PLSCR2: variants seen among roughly 807,000 people sequenced by gnomAD.
PLSCR2 encodes PL scramblase 2.
PLSCR2 carries 18 observed loss-of-function variants against 25.3 expected under a neutral mutation model. The ratio of observed to expected loss-of-function variants is 0.71; its 90% CI spans 0.49 to 1.06. The LOEUF is 1.06. PLSCR2 is among the 50% of genes least tolerant of loss of function. The pLI, the probability that PLSCR2 is intolerant of heterozygous loss-of-function variation, is 0.00. For synonymous variants in PLSCR2, 88 were observed against 87.3 expected, an observed-to-expected ratio of 1.01 and a Z score of -0.04; for missense variants, 243 against 269.5, an observed-to-expected ratio of 0.90 and a Z score of 0.69.
intron 2 of PLSCR2, among the ~76,000 whole-genome samples, chr3:146,404,808 GC>G (rs375591223): frequency 0.016 from 1,449 of 89,860 alleles, 24 homozygotes; most frequent in South Asian, 0.041. Context: ...GAAGAAATAG[GC>G]AAAAAAAAAA....
chr3:146,447,630 C>A (rs4318525), intron 6 of PLSCR2, among the ~76,000 whole-genome samples: 14,688 of 152,080 alleles, frequency 0.097, 1,015 homozygotes, highest in African/African-American at 0.19. Context: ...TCTACTGGAG[C>A]TGCAAGCTGT....
rs1376138204 is a variant in PLSCR2 at position 146,476,095 on chromosome 3, G to A, written c.-292-15811C>T. On this transcript the variant is annotated intron_variant, in intron 1 of 8. Coordinates refer to the PLSCR2 transcript ENST00000336685. The stretch of plus-strand genomic sequence containing the variant: ...TGTTATATAGCGGGGGCGCCGGGGG[G>A]TGCACTGGGCCAAGAAGGCTGACAA... Among the ~76,000 whole-genome samples the A allele has an allele frequency of 2.0e-5, 3 of 151,628 alleles. No homozygotes were observed. In the East Asian group the frequency reaches 5.8e-4, roughly 29 times the overall value.
chr3:146,420,569 A>T (rs1247355328), intron 2 of PLSCR2, among the ~76,000 whole-genome samples: 1 of 152,048 alleles, frequency 6.6e-6, no homozygotes, highest in Non-Finnish European at 1.5e-5. Flanking sequence ...TTGTCTTTCA[A>T]TTGTTTTCTC....
intron 3 of PLSCR2, among the ~76,000 whole-genome samples, chr3:146,395,348 CT>C (rs1023536601): frequency 2.0e-5 from 3 of 152,128 alleles, no homozygotes; most frequent in Admixed American, 6.6e-5. Flanking sequence ...TTTTTAAGGT[CT>C]TTGTATTGCG....
intron 1 of PLSCR2, among the ~76,000 whole-genome samples, chr3:146,470,275 A>G (rs2042066010): frequency 6.6e-6 from 1 of 151,978 alleles, no homozygotes; most frequent in Non-Finnish European, 1.5e-5. Flanking sequence ...TTAAAAATTT[A>G]TTTACACGCC....
At chr3:146,463,210 G>T (rs1334632742), upstream of PLSCR2, among the ~76,000 whole-genome samples, 1 of 152,096 alleles carries the variant, frequency 6.6e-6, no homozygotes, top group Non-Finnish European at 1.5e-5. Flanking sequence ...TTTTGAGACG[G>T]AGTCTCGCTC....
chr3:146,470,036 G>A (rs2042056775), intron 1 of PLSCR2, among the ~76,000 whole-genome samples: 3 of 152,092 alleles, frequency 2.0e-5, no homozygotes, highest in Admixed American at 2.0e-4. Context: ...CAAGGTGAGG[G>A]AGCTTAGACT....
At chr3:146,392,924 TA>T (rs1470417909) in intron 3 of PLSCR2, among the ~76,000 whole-genome samples, 10 of 151,436 alleles carry the variant, frequency 6.6e-5, no homozygotes. Context: ...CTTCAATAAT[TA>T]TAGCTATAGA....
Position 146,488,912 on chromosome 3 carries a change from C to T in PLSCR2, c.-293+6983G>A, listed in dbSNP as rs554920173. ...ATTCACAATAGCAAAGACATGGAAT[C>T]AACCCAAATGCTCATCAATGATAGA... On this transcript the variant is annotated intron_variant, in intron 1 of 8. Transcript: ENST00000336685. Among the ~76,000 whole-genome samples, 8 of 152,164 alleles carry T rather than the reference C, an allele frequency of 5.3e-5. No homozygotes were observed. In the South Asian group the frequency reaches 1.7e-3, roughly 32 times the overall value.
intron 5 of PLSCR2, 32 bp downstream of exon 5, chr3:146,453,970 G>T: frequency 6.6e-7 from 1 of 1,514,252 alleles, no homozygotes; most frequent in Non-Finnish European, 8.8e-7. Flanking sequence ...TATTAAAAAA[G>T]CAAATCCTAT....
chr3:146,462,649 T>G (rs1421453939), upstream of PLSCR2, among the ~76,000 whole-genome samples: 1 of 151,982 alleles, frequency 6.6e-6, no homozygotes, highest in East Asian at 1.9e-4. Context: ...TATTTTTTAG[T>G]AGAGACGGGG....
intron 1 of PLSCR2, among the ~76,000 whole-genome samples, chr3:146,472,698 A>G (rs2042159336): frequency 2.0e-5 from 3 of 152,178 alleles, no homozygotes; most frequent in South Asian, 4.1e-4. Flanking sequence ...ACCTCCTAAT[A>G]TGTCACATTG....
chr3:146,410,923 C>T lies in PLSCR2; in HGVS notation c.101-15002G>A, dbSNP rs1457447981. ...CCCCCGGCTCAGATCAAGCTATGCC[C>T]GATGCTGCCTTAAGCCTTATGAGGT... On this transcript the variant is annotated intron_variant and NMD_transcript_variant, in intron 2 of 3. Coordinates refer to the PLSCR2 transcript ENST00000463633. 4.6e-5 allele frequency among the ~76,000 whole-genome samples: 7 copies of T among 152,110 alleles called. No homozygotes were observed. The South Asian group carries it at 6.2e-4, about 14-fold the overall frequency.
intron 1 of PLSCR2, among the ~76,000 whole-genome samples, chr3:146,491,558 A>G (rs921878911): frequency 2.0e-5 from 3 of 152,126 alleles, no homozygotes; most frequent in Admixed American, 2.0e-4. Context: ...ATTTAAAAAA[A>G]TATTAAATTT....
rs114685947 is a variant in PLSCR2 at position 146,489,170 on chromosome 3, A to T, written c.-293+6725T>A. Among the ~76,000 whole-genome samples, 526 of 152,018 alleles carry T rather than the reference A, an allele frequency of 3.5e-3. 5 individuals carry two copies. Among genetic ancestry groups the T allele is most frequent in the African/African-American group, 0.012 (507 of 41,510 alleles). Reference sequence around the variant, plus strand: ...AACATACACTGGGGCATGTTGGGGCAGTAGTAGGGGAGATAGCATCAGGAT... The same window carrying T: ...AACATACACTGGGGCATGTTGGGGCTGTAGTAGGGGAGATAGCATCAGGAT... On this transcript the variant is annotated intron_variant, in intron 1 of 8. Transcript: ENST00000336685.
chr3:146,403,205 T>C (rs2038540138), intron 2 of PLSCR2, among the ~76,000 whole-genome samples: 1 of 152,078 alleles, frequency 6.6e-6, no homozygotes, highest in Admixed American at 6.6e-5. Flanking sequence ...TAATTGTTGT[T>C]TATTCTTAGT....
chr3:146,454,017 CG>C lies in PLSCR2; in HGVS notation c.467del (p.Ala156GlyfsTer27). ...CATCTCTTACCTCAAAATCAACACC[CG>C]CAATACAGCTGCACACGATACATGG... On this transcript the variant is annotated frameshift_variant, in exon 5 of 7. Transcript: ENST00000610787. LOFTEE classifies it high-confidence loss of function. 3.2e-6 allele frequency: 5 copies of C among 1,577,428 alleles called. No individual in the cohort carries two copies. Among genetic ancestry groups the C allele is most frequent in the Non-Finnish European group, 4.3e-6 (5 of 1,168,810 alleles).
At chr3:146,433,150 A>C (rs1576611989), downstream of PLSCR2, 2 of 152,154 alleles carry the variant, frequency 1.3e-5, no homozygotes, top group South Asian at 4.1e-4. Flanking sequence ...TGGTGCCTCC[A>C]TCATACTTTA....
chr3:146,435,002 A>G (rs1385757345), intron 8 of PLSCR2, among the ~76,000 whole-genome samples: 1 of 139,832 alleles, frequency 7.2e-6, no homozygotes, highest in Non-Finnish European at 1.5e-5. Flanking sequence ...ATTCCCACCT[A>G]TGAGTGAGAA....
Sources: gnomAD v4.1 joint callset for allele counts (sites outside exome capture counted in the v4.1 genomes callset) on GRCh38, gnomAD v4.1.1 for gene constraint, MANE v1.5 for transcripts, NCBI Gene and HGNC (gene_info 2026-07-23, HGNC 2026-07-21) for gene names.